SEC14L1: variants seen among roughly 807,000 people sequenced by gnomAD.
SEC14L1 encodes the protein SEC14 like lipid binding 1.
In SEC14L1, 48 loss-of-function variants were observed where a neutral mutation model predicts 85.3. The ratio of observed to expected loss-of-function variants is 0.56; its 90% CI spans 0.45 to 0.72. The LOEUF (loss-of-function observed/expected upper bound fraction) is 0.72, where lower values mean the gene tolerates loss of function less well. Ranked by LOEUF, SEC14L1 falls within the 30% of genes least tolerant of loss-of-function variation. SEC14L1 has a pLI of 0.00. For missense variants in SEC14L1, 682 were observed against 921.4 expected, an observed-to-expected ratio of 0.74 and a Z score of 3.36; for synonymous variants, 391 against 355.5, an observed-to-expected ratio of 1.10 and a Z score of -1.12.
chr17:77,213,264 A>G lies in SEC14L1; in HGVS notation c.1864-50A>G. 6.6e-7 allele frequency: 1 copy of G among 1,521,280 alleles called. No individual in the cohort carries two copies. Among genetic ancestry groups the G allele is most frequent in the Non-Finnish European group, 8.9e-7 (1 of 1,123,762 alleles). The allele number at this position is 1,521,280 out of a possible 1,614,324, so 94.2% of individuals were successfully genotyped here. A position where few individuals can be genotyped will look rare whatever the true frequency, so the allele number is the denominator to read the frequency against. On this transcript the variant is annotated intron_variant, in intron 15 of 16. Coordinates refer to ENST00000436233, the MANE Select transcript of SEC14L1 (RefSeq NM_001143998.2). This position sits in a 1 kb window ranked among gnomAD's most constrained non-coding sequence, Gnocchi z 7.1. ...GCGCTTGTCAGGCCTGTGGTAGGCCAGGGGTCGGAAGCGAGTCGCCCTCAG... is the reference window on the plus strand; with the variant it reads ...GCGCTTGTCAGGCCTGTGGTAGGCCGGGGGTCGGAAGCGAGTCGCCCTCAG...
intron 1 of SEC14L1, 75 bp from the exon 2 acceptor site, chr17:77,142,571 A>AAG (rs1567890296): frequency 6.6e-6 from 1 of 152,150 alleles, no homozygotes; most frequent in African/African-American, 2.4e-5. Context: ...AAAAAAAAAA[A>AAG]AAAAAAAGGA....
chr17:77,176,340 G>C (rs920604071), intron 3 of SEC14L1, among the ~76,000 whole-genome samples: 11 of 152,138 alleles, frequency 7.2e-5, no homozygotes, highest in East Asian at 1.9e-4. Context: ...ATGTAAAATA[G>C]GTGAAAGACG....
Position 77,161,041 on chromosome 17 carries a change from C to G in SEC14L1, c.63+17382C>G, listed in dbSNP as rs563133495. ...CCAGTTTGAAAGAAGCTGTGCCCCT[C>G]CTGTTCAGTTCCATATTCATTTTGA... On this transcript the variant is annotated intron_variant, in intron 3 of 16. Transcript: ENST00000436233. Among the ~76,000 whole-genome samples, 7 of 152,244 alleles carry G rather than the reference C, an allele frequency of 4.6e-5. No homozygotes were observed. The East Asian group carries it at 9.6e-4, about 21-fold the overall frequency.
chr17:77,141,326 C>T (rs1175847415), intron 1 of SEC14L1: 2 of 134,464 alleles, frequency 1.5e-5, no homozygotes, highest in Non-Finnish European at 3.3e-5. Context: ...CTCGCCGCCC[C>T]TCGCCCCCCT....
chr17:77,160,706 G>C (rs980552344), intron 3 of SEC14L1, among the ~76,000 whole-genome samples: 4 of 152,144 alleles, frequency 2.6e-5, no homozygotes, highest in Non-Finnish European at 5.9e-5. Flanking sequence ...CTCTAACAGG[G>C]ATTGGTTGTC....
intron 3 of SEC14L1, among the ~76,000 whole-genome samples, chr17:77,124,671 G>A (rs1972390140): frequency 6.6e-6 from 1 of 152,182 alleles, no homozygotes; most frequent in African/African-American, 2.4e-5. Flanking sequence ...GATCTTAAAG[G>A]TGACTCACAT....
chr17:77,207,378 G>A (rs969084540), intron 13 of SEC14L1, among the ~76,000 whole-genome samples: 2 of 151,628 alleles, frequency 1.3e-5, no homozygotes, highest in African/African-American at 4.8e-5. Flanking sequence ...CTGTAGGCGT[G>A]CACCACCATA....
At chr17:77,171,607 C>G (rs770905521) in intron 3 of SEC14L1, among the ~76,000 whole-genome samples, 9 of 152,188 alleles carry the variant, frequency 5.9e-5, no homozygotes, top group Non-Finnish European at 8.8e-5. Flanking sequence ...AGGCCTTGCT[C>G]TGTTCAAATT....
At position 77,216,508 on chromosome 17, in the gene SEC14L1, A is replaced by T. The variant is rs1436638553; in HGVS notation, c.*2485A>T. On this transcript the variant is annotated 3_prime_UTR_variant, in exon 17 of 17. Transcript: ENST00000436233. ...CTGTTCCCAAATCACAAGGGCCTGA[A>T]GGTGGTCCCTGCTTTCTCTTTCTCT... 1 of 1,612,920 alleles carries T rather than the reference A, an allele frequency of 6.2e-7. No homozygotes were observed. Among genetic ancestry groups the T allele is most frequent in the Admixed American group, 1.7e-5 (1 of 59,904 alleles).
At chr17:77,182,544 T>G (rs537028268) in intron 3 of SEC14L1, among the ~76,000 whole-genome samples, 43 of 152,342 alleles carry the variant, frequency 2.8e-4, no homozygotes, top group African/African-American at 1.0e-3. Context: ...GTTATTTGTC[T>G]TACAGAAATA....
intron 3 of SEC14L1, among the ~76,000 whole-genome samples, chr17:77,113,875 G>C (rs1461315121): frequency 2.0e-5 from 3 of 152,170 alleles, no homozygotes. Flanking sequence ...ATGAGAAGTG[G>C]ACACCCTTAA....
At chr17:77,100,155 C>T (rs1299550258) in intron 3 of SEC14L1, among the ~76,000 whole-genome samples, 1 of 152,214 alleles carries the variant, frequency 6.6e-6, no homozygotes, top group East Asian at 1.9e-4. Context: ...CATCTGGGTC[C>T]TCGCCTGTTG....
chr17:77,206,646 C>T lies in SEC14L1; in HGVS notation c.1342-82C>T, dbSNP rs566918143. On this transcript the variant is annotated intron_variant, in intron 12 of 16. Coordinates refer to ENST00000436233, the MANE Select transcript of SEC14L1 (RefSeq NM_001143998.2). This position sits in a 1 kb window ranked among gnomAD's most constrained non-coding sequence, Gnocchi z 4.3. ...TGAATGTCTTCCCCCCACCCTCCCACTCAGAATACCACATTGTCATTTTAA... is the reference window on the plus strand; with the variant it reads ...TGAATGTCTTCCCCCCACCCTCCCATTCAGAATACCACATTGTCATTTTAA... 2.0e-6 allele frequency: 3 copies of T among 1,505,774 alleles called. No homozygotes were observed. Among genetic ancestry groups the T allele is most frequent in the East Asian group, 2.3e-5 (1 of 43,950 alleles). 93.3% of individuals were successfully genotyped at this position (1,505,774 alleles called of 1,614,324 possible).
chr17:77,200,696 T>C, intron 9 of SEC14L1, 23 bp downstream of exon 9: 1 of 1,598,308 alleles, frequency 6.3e-7, no homozygotes, highest in South Asian at 1.1e-5. Context: ...GTTGAAACTG[T>C]GTTTCCATCG....
At chr17:77,122,445 G>T (rs1972325735) in intron 3 of SEC14L1, among the ~76,000 whole-genome samples, 1 of 152,034 alleles carries the variant, frequency 6.6e-6, no homozygotes, top group Non-Finnish European at 1.5e-5. Flanking sequence ...GGGACTACAG[G>T]TGTACACCAC....
At chr17:77,089,660 G>A in intron 2 of SEC14L1, 1 of 350,304 alleles carries the variant, frequency 2.9e-6, no homozygotes, top group South Asian at 2.2e-5. Flanking sequence ...AACAGTCATG[G>A]CCCTTGTTCT....
chr17:77,122,718 ATGAGGACAC>A (rs1972331503), intron 3 of SEC14L1, among the ~76,000 whole-genome samples: 1 of 152,234 alleles, frequency 6.6e-6, no homozygotes, highest in South Asian at 2.1e-4. Flanking sequence ...GGGTTGTGCC[ATGAGGACAC>A]TGATAAGAAC....
chr17:77,168,619 T>C (rs923489523), intron 3 of SEC14L1, among the ~76,000 whole-genome samples: 13 of 152,214 alleles, frequency 8.5e-5, no homozygotes, highest in African/African-American at 2.4e-4. Flanking sequence ...TAAGGCCTTG[T>C]AAAGCCTTCA....
intron 3 of SEC14L1, among the ~76,000 whole-genome samples, chr17:77,116,366 C>T (rs1257269345): frequency 1.3e-5 from 2 of 151,950 alleles, no homozygotes; most frequent in South Asian, 2.1e-4. Context: ...GAGTAAAACC[C>T]GGAGCCAGAA....
Sources: allele counts gnomAD v4.1 joint callset (sites outside exome capture counted in the v4.1 genomes callset), GRCh38; gene constraint gnomAD v4.1.1; non-coding constraint Gnocchi (gnomAD v3.1); transcripts MANE v1.5; gene names NCBI Gene and HGNC (gene_info 2026-07-23, HGNC 2026-07-21).